The following EYA1 variants were observed in gnomAD, a reference collection of about 807,000 sequenced individuals.
The protein encoded by EYA1 is EYA transcriptional coactivator and phosphatase 1, also known as protein phosphatase EYA1.
EYA1 carries 16 observed loss-of-function variants against 82.0 expected under a neutral mutation model. The ratio of observed to expected loss-of-function variants is 0.20; its 90% CI spans 0.13 to 0.30. The LOEUF (loss-of-function observed/expected upper bound fraction) is 0.30. Among genes scored for constraint, EYA1 ranks in the 10% least tolerant of loss-of-function variants. The pLI is 1.00. For missense variants in EYA1, 633 were observed against 730.7 expected, an observed-to-expected ratio of 0.87 and a Z score of 1.54; for synonymous variants, 261 against 264.4, an observed-to-expected ratio of 0.99 and a Z score of 0.12.
intron 2 of EYA1, among the ~76,000 whole-genome samples, chr8:71,417,346 T>C (rs557078440): frequency 2.0e-5 from 3 of 152,312 alleles, no homozygotes; most frequent in African/African-American, 7.2e-5. Context: ...TTGCCCCTCA[T>C]GGGACATTTA....
At chr8:71,302,022 A>G (rs763669803) in intron 7 of EYA1, among the ~76,000 whole-genome samples, 1 of 152,214 alleles carries the variant, frequency 6.6e-6, no homozygotes, top group Non-Finnish European at 1.5e-5. Context: ...ATACATGATG[A>G]ACATTTAAAA....
chr8:71,348,376 G>A (rs1024143594), intron 3 of EYA1, among the ~76,000 whole-genome samples: 4 of 152,184 alleles, frequency 2.6e-5, no homozygotes, highest in Non-Finnish European at 5.9e-5. Context: ...TCCCAGGAGG[G>A]AACCAGAGGT....
At chr8:71,452,480 G>A (rs1293310459) in intron 2 of EYA1, among the ~76,000 whole-genome samples, 1 of 152,180 alleles carries the variant, frequency 6.6e-6, no homozygotes, top group African/African-American at 2.4e-5. Context: ...CCTCAAGTGG[G>A]TCTCTGACTC....
chr8:71,395,822 T>A (rs183638767), intron 2 of EYA1, among the ~76,000 whole-genome samples: 1 of 152,088 alleles, frequency 6.6e-6, no homozygotes, highest in African/African-American at 2.4e-5. Flanking sequence ...AATTAGGGAG[T>A]ATTCCCTCTT....
chr8:71,501,147 T>C (rs980525583), intron 2 of EYA1, among the ~76,000 whole-genome samples: 2 of 152,260 alleles, frequency 1.3e-5, no homozygotes, highest in Non-Finnish European at 2.9e-5. Flanking sequence ...TCACTTGATA[T>C]GACTTTAAGA....
chr8:71,269,597 T>C, intron 11 of EYA1, 143 bp downstream of exon 11: 1 of 537,902 alleles, frequency 1.9e-6, no homozygotes, highest in Non-Finnish European at 3.2e-6. Flanking sequence ...TTTTTTACCT[T>C]ACATATATAT....
At chr8:71,505,259 G>A (rs937447779) in intron 2 of EYA1, among the ~76,000 whole-genome samples, 10 of 152,306 alleles carry the variant, frequency 6.6e-5, no homozygotes, top group Non-Finnish European at 7.3e-5. Flanking sequence ...GAATCACTAG[G>A]TCTAGAACCA....
intron 1 of EYA1, among the ~76,000 whole-genome samples, chr8:71,546,516 T>G (rs1266853289): frequency 6.6e-6 from 1 of 151,386 alleles, no homozygotes; most frequent in Non-Finnish European, 1.5e-5. Context: ...TTCTTATTTT[T>G]TTTTTTTTTT....
intron 12 of EYA1, among the ~76,000 whole-genome samples, chr8:71,231,133 C>G (rs374235972): frequency 6.6e-6 from 1 of 152,340 alleles, no homozygotes; most frequent in African/African-American, 2.4e-5. Flanking sequence ...CGGAATAGAT[C>G]TGCAAATCCT....
rs182406915 is a variant in EYA1, at chr8:71,256,541, G to A, written c.1051-11849C>T. Among the ~76,000 whole-genome samples, 654 of 152,266 alleles carry A rather than the reference G, an allele frequency of 4.3e-3. 2 individuals are homozygous for A. Among genetic ancestry groups the A allele is most frequent in the Non-Finnish European group, 7.5e-3 (513 of 68,024 alleles). ...GAATAGATGTTGCCAGGAATTGGGGGGAGGGGAGAATGGGGAGTTGTTTAA... is the reference window on the plus strand; with the variant it reads ...GAATAGATGTTGCCAGGAATTGGGGAGAGGGGAGAATGGGGAGTTGTTTAA... On this transcript the variant is annotated intron_variant, in intron 11 of 17. Transcript: ENST00000340726.
chr8:71,321,934 C>T (rs772877671), intron 5 of EYA1, 55 bp from the exon 6 acceptor site: 23 of 1,606,296 alleles, frequency 1.4e-5, no homozygotes, highest in Middle Eastern at 1.7e-4. Context: ...TGGAAACATG[C>T]AAACCGATTA....
In EYA1 at chr8:71,434,041, C is replaced by T. The variant is rs185001216; in HGVS notation, c.34-77530G>A. Among the ~76,000 whole-genome samples, 439 of 152,210 alleles carry T rather than the reference C, an allele frequency of 2.9e-3. 3 individuals are homozygous for T. Among genetic ancestry groups the T allele is most frequent in the African/African-American group, 0.01 (428 of 41,540 alleles). ...ATTCATGATGTGTTTTGTGGGTAGA[C>T]CCAACTCATTTTGCTAATGGATTGG... On this transcript the variant is annotated intron_variant, in intron 2 of 18. Transcript: ENST00000643681.
intron 7 of EYA1, among the ~76,000 whole-genome samples, chr8:71,308,745 G>C (rs1821008694): frequency 1.3e-5 from 2 of 148,330 alleles, no homozygotes; most frequent in African/African-American, 5.0e-5. Context: ...GTAACAAGTA[G>C]GTCAAAGGTC....
At chr8:71,532,662 G>A (rs947559056) in intron 2 of EYA1, among the ~76,000 whole-genome samples, 3 of 152,094 alleles carry the variant, frequency 2.0e-5, no homozygotes, top group Admixed American at 6.5e-5. Context: ...TCAAAGGTCC[G>A]ATTCCTATCA....
chr8:71,523,076 C>T (rs1813523434), intron 2 of EYA1, among the ~76,000 whole-genome samples: 1 of 151,840 alleles, frequency 6.6e-6, no homozygotes, highest in Admixed American at 6.6e-5. Context: ...ACTATCTTTT[C>T]TCATGTTTTA....
At chr8:71,360,128 A>C (rs1827243537) in intron 1 of EYA1, among the ~76,000 whole-genome samples, 1 of 152,298 alleles carries the variant, frequency 6.6e-6, no homozygotes. Flanking sequence ...TAAATGCTTT[A>C]ATACTACTGC....
intron 2 of EYA1, among the ~76,000 whole-genome samples, chr8:71,367,611 A>C (rs1827833498): frequency 6.6e-6 from 1 of 152,114 alleles, no homozygotes; most frequent in African/African-American, 2.4e-5. Context: ...GTCAGAATTC[A>C]AAGGATCAGT....
At chr8:71,455,990 T>C (rs1258418785) in intron 2 of EYA1, among the ~76,000 whole-genome samples, 1 of 152,208 alleles carries the variant, frequency 6.6e-6, no homozygotes, top group East Asian at 1.9e-4. Context: ...GATGACATGA[T>C]TGTATATGTA....
At chr8:71,404,077 G>A (rs1035210993) in intron 2 of EYA1, 1 of 152,222 alleles carries the variant, frequency 6.6e-6, no homozygotes, top group African/African-American at 2.4e-5. Context: ...GAACTACGAA[G>A]TCAGATTGAA....
Sources: allele counts gnomAD v4.1 joint callset (sites outside exome capture counted in the v4.1 genomes callset), GRCh38; gene constraint gnomAD v4.1.1; transcripts MANE v1.5; gene names NCBI Gene and HGNC (gene_info 2026-07-23, HGNC 2026-07-21).